Variants in TLN2 observed in about 807,000 individuals in gnomAD.
TLN2 encodes the protein talin 2.
TLN2 carries 118 observed loss-of-function variants against 294.7 expected under a neutral mutation model. The observed-to-expected ratio is 0.40, with a 90% CI of 0.34 to 0.47. The LOEUF (loss-of-function observed/expected upper bound fraction) is 0.47, where lower values mean the gene tolerates loss of function less well. Among genes scored for constraint, TLN2 ranks in the 20% least tolerant of loss-of-function variants. The pLI is 0.84. For missense variants in TLN2, 3,083 were observed against 3,282.2 expected (o/e 0.94, Z 1.48); for synonymous variants, 1,431 against 1,304.5 (o/e 1.10, Z -2.09).
At chr15:62,523,723 A>G (rs980901016) in intron 1 of TLN2, among the ~76,000 whole-genome samples, 1 of 152,264 alleles carries the variant, frequency 6.6e-6, no homozygotes, top group South Asian at 2.1e-4. Context: ...TGGAAAGTAC[A>G]TATTTTTAAA....
At position 62,708,514 on chromosome 15, in the gene TLN2, A is replaced by G. The variant is rs199719989; in HGVS notation, c.2185A>G (p.Thr729Ala). 7.4e-6 allele frequency: 12 copies of G among 1,612,950 alleles called. No homozygotes were observed. In the Admixed American group the frequency reaches 1.8e-4, roughly 25 times the overall value. ...TGTCTCACTTCAGGTTGTGAGCCCC[A>G]CTATTAGCTCCCCTGTGTGCCAGGA... ...LVACAKVVSP[T>A]ISSPVCQEQL... The change falls in exon 21 of 59, where the codon ACT becomes GCT. Residue 729 changes from threonine to alanine, a missense_variant. Transcript: ENST00000636159.
At chr15:62,465,188 A>G (rs1337652457) in intron 1 of TLN2, among the ~76,000 whole-genome samples, 7 of 145,298 alleles carry the variant, frequency 4.8e-5, no homozygotes, top group Non-Finnish European at 1.0e-4. Flanking sequence ...ACTTGGCAGC[A>G]GCAGTATGTG....
chr15:62,445,816 A>G (rs2035792561), intron 1 of TLN2, among the ~76,000 whole-genome samples: 1 of 151,948 alleles, frequency 6.6e-6, no homozygotes. Flanking sequence ...GGCACATGCC[A>G]CCACTCACAG....
At chr15:62,800,571 A>C (rs1288741697) in intron 49 of TLN2, 78 bp downstream of exon 49, 1 of 1,609,656 alleles carries the variant, frequency 6.2e-7, no homozygotes, top group African/African-American at 1.3e-5. Context: ...CCTTGCTCAT[A>C]GCATGCGATC....
chr15:62,719,503 A>T (rs898662710), intron 24 of TLN2, among the ~76,000 whole-genome samples: 2 of 152,182 alleles, frequency 1.3e-5, no homozygotes, highest in African/African-American at 4.8e-5. Context: ...TTTAGGCCTC[A>T]TCATAGACAA....
intron 1 of TLN2, among the ~76,000 whole-genome samples, chr15:62,400,259 A>G (rs1191953765): frequency 6.6e-6 from 1 of 152,332 alleles, no homozygotes; most frequent in East Asian, 1.9e-4. Context: ...ACTGTGACTC[A>G]ATATACCTGT....
In TLN2 at chr15:62,778,875, C is replaced by T. The variant is rs148403283; in HGVS notation, c.5514+1965C>T. On this transcript the variant is annotated intron_variant, in intron 43 of 58. Transcript: ENST00000636159. ...GCCTGACATCCAGGGCACCACACAA[C>T]ACCTCTTCCTCATTCCCATTCTCCC... Among the ~76,000 whole-genome samples the T allele has an allele frequency of 3.0e-3, 452 of 152,338 alleles. 1 individual carries two copies. Among genetic ancestry groups the T allele is most frequent in the African/African-American group, 0.01 (435 of 41,580 alleles).
intron 19 of TLN2, among the ~76,000 whole-genome samples, chr15:62,704,993 G>T (rs1466805114): frequency 2.6e-5 from 4 of 152,218 alleles, no homozygotes; most frequent in Non-Finnish European, 5.9e-5. Flanking sequence ...GCCAAGGAAG[G>T]TTAAGGAGAA....
intron 3 of TLN2, among the ~76,000 whole-genome samples, chr15:62,630,712 TG>T (rs2049721637): frequency 6.6e-6 from 1 of 152,168 alleles, no homozygotes; most frequent in Non-Finnish European, 1.5e-5. Flanking sequence ...CTTTTTTTTT[TG>T]GCTTTCTGAT....
At chr15:62,499,041 CTGTG>C (rs2039164634) in intron 1 of TLN2, among the ~76,000 whole-genome samples, 1 of 152,122 alleles carries the variant, frequency 6.6e-6, no homozygotes, top group Admixed American at 6.5e-5. Context: ...CAAAGACTTA[CTGTG>C]TGGACTTTAT....
At chr15:62,404,443 G>A (rs983809642) in intron 1 of TLN2, among the ~76,000 whole-genome samples, 3 of 152,100 alleles carry the variant, frequency 2.0e-5, no homozygotes, top group African/African-American at 7.2e-5. Context: ...TCTTCACAGG[G>A]GGAGATGTCT....
At chr15:62,554,045 C>T (rs1447061187) in intron 1 of TLN2, among the ~76,000 whole-genome samples, 1 of 151,306 alleles carries the variant, frequency 6.6e-6, no homozygotes, top group Non-Finnish European at 1.5e-5. Flanking sequence ...TTCAAGGACT[C>T]AATTTTCAGG....
chr15:62,649,855 G>C, intron 4 of TLN2: 1 of 482,060 alleles, frequency 2.1e-6, no homozygotes, highest in South Asian at 2.8e-5. Flanking sequence ...CAGCCCACTG[G>C]TTTTAGGAAA....
chr15:62,719,972 CTCAGCT>C (rs1411931036), intron 25 of TLN2, 92 bp downstream of exon 25: 2 of 959,094 alleles, frequency 2.1e-6, no homozygotes, highest in Non-Finnish European at 3.0e-6. Flanking sequence ...ATTCCACAGC[CTCAGCT>C]AAGTCTTTGC....
chr15:62,454,419 G>T (rs1328122616), intron 1 of TLN2, among the ~76,000 whole-genome samples: 4 of 152,166 alleles, frequency 2.6e-5, no homozygotes, highest in Non-Finnish European at 5.9e-5. Flanking sequence ...GAGGGGTCTG[G>T]TTGGGGCTTG....
chr15:62,468,033 T>C (rs1163754681), intron 1 of TLN2, among the ~76,000 whole-genome samples: 1 of 152,192 alleles, frequency 6.6e-6, no homozygotes, highest in African/African-American at 2.4e-5. Flanking sequence ...GTTGTCTAGC[T>C]TTTAATAATC....
At chr15:62,625,621 G>T (rs898659088) in intron 3 of TLN2, among the ~76,000 whole-genome samples, 7 of 152,202 alleles carry the variant, frequency 4.6e-5, no homozygotes, top group African/African-American at 1.7e-4. Context: ...GGCGAGGGCT[G>T]GGGGAGGACG....
chr15:62,428,726 C>G (rs2034849223), intron 1 of TLN2, among the ~76,000 whole-genome samples: 1 of 152,194 alleles, frequency 6.6e-6, no homozygotes, highest in South Asian at 2.1e-4. Context: ...CATGTGAAAC[C>G]TGGCAGGTAC....
chr15:62,670,673 C>T (rs2055289866), intron 9 of TLN2, among the ~76,000 whole-genome samples: 1 of 152,110 alleles, frequency 6.6e-6, no homozygotes, highest in Non-Finnish European at 1.5e-5. Flanking sequence ...AAATGATGTT[C>T]CATTGTATGG....
Sources: allele counts gnomAD v4.1 joint callset (sites outside exome capture counted in the v4.1 genomes callset), GRCh38; gene constraint gnomAD v4.1.1; transcripts MANE v1.5; gene names NCBI Gene and HGNC (gene_info 2026-07-23, HGNC 2026-07-21).